EDIL3: variants seen among roughly 807,000 people sequenced by gnomAD.
The protein encoded by EDIL3 is EGF-like repeat and discoidin I-like domain-containing protein 3.
In EDIL3, 37 loss-of-function variants were observed where a neutral mutation model predicts 67.4. That is an observed-to-expected ratio of 0.55 (90% CI 0.42 to 0.72). The LOEUF (loss-of-function observed/expected upper bound fraction) is 0.72. Ranked by LOEUF, EDIL3 falls within the 30% of genes least tolerant of loss-of-function variation. The pLI, the probability that EDIL3 is intolerant of heterozygous loss-of-function variation, is 0.00. For synonymous variants in EDIL3, 195 were observed against 196.3 expected, an observed-to-expected ratio of 0.99 and a Z score of 0.05; for missense variants, 527 against 586.3, an observed-to-expected ratio of 0.90 and a Z score of 1.04.
chr5:84,384,300 C>T lies in EDIL3; in HGVS notation c.67+8G>A, dbSNP rs1343169910. 1.9e-6 allele frequency: 3 copies of T among 1,607,604 alleles called. No homozygotes were observed. The highest frequency in any genetic ancestry group is 1.3e-5 in the African/African-American group (1 of 74,504). The stretch of plus-strand genomic sequence containing the variant: ...CCTCACCCAGCTGTCCGGGTCCCGA[C>T]GCCTTACCTTTGCCGAACTGGGGGA... On this transcript the variant is annotated splice_region_variant and intron_variant, in intron 1 of 10. Transcript: ENST00000296591.
intron 1 of EDIL3, among the ~76,000 whole-genome samples, chr5:84,278,785 G>A (rs927674094): frequency 1.3e-5 from 2 of 151,448 alleles, no homozygotes; most frequent in Admixed American, 1.3e-4. Flanking sequence ...CTCTCCCAGA[G>A]GACCAAGTAT....
chr5:84,074,844 A>G (rs1216279223), intron 6 of EDIL3, among the ~76,000 whole-genome samples: 4 of 152,164 alleles, frequency 2.6e-5, no homozygotes, highest in African/African-American at 7.2e-5. Context: ...CCATCCCATT[A>G]CTGGGTATAT....
At chr5:84,273,035 T>C (rs1207581913) in intron 1 of EDIL3, among the ~76,000 whole-genome samples, 10 of 152,066 alleles carry the variant, frequency 6.6e-5, no homozygotes, top group Non-Finnish European at 2.9e-5. Context: ...GTCTCCAGTA[T>C]CTAGTTAGGA....
At chr5:84,161,017 A>T (rs180840358) in intron 4 of EDIL3, among the ~76,000 whole-genome samples, 1 of 151,868 alleles carries the variant, frequency 6.6e-6, no homozygotes, top group East Asian at 1.9e-4. Context: ...ACAAGCCCCT[A>T]TGGTTCATTA....
At chr5:84,154,648 T>A (rs549564937) in intron 4 of EDIL3, among the ~76,000 whole-genome samples, 2 of 151,006 alleles carry the variant, frequency 1.3e-5, no homozygotes, top group Non-Finnish European at 3.0e-5. Context: ...GAAATGTACT[T>A]CCATACTTCT....
At chr5:84,075,071 T>C (rs1292434954) in intron 6 of EDIL3, among the ~76,000 whole-genome samples, 2 of 151,988 alleles carry the variant, frequency 1.3e-5, no homozygotes, top group African/African-American at 4.8e-5. Flanking sequence ...AAATTGGAAA[T>C]TATCATTCTC....
intron 9 of EDIL3, among the ~76,000 whole-genome samples, chr5:84,054,945 A>G (rs982993571): frequency 2.7e-5 from 4 of 146,152 alleles, no homozygotes; most frequent in Admixed American, 6.7e-5. Context: ...TCTTCACAGA[A>G]TTGGAAAAAA....
chr5:84,198,134 AT>A (rs1248118589), intron 3 of EDIL3, among the ~76,000 whole-genome samples: 1 of 152,062 alleles, frequency 6.6e-6, no homozygotes. Flanking sequence ...GGAAACTCTA[AT>A]GGTACCAATC....
intron 8 of EDIL3, among the ~76,000 whole-genome samples, chr5:84,062,717 T>A (rs1746568214): frequency 6.6e-6 from 1 of 152,102 alleles, no homozygotes; most frequent in South Asian, 2.1e-4. Context: ...TTAATAGCAA[T>A]TTACTGAATA....
chr5:84,266,356 C>T (rs1745347315), intron 1 of EDIL3, among the ~76,000 whole-genome samples: 1 of 152,144 alleles, frequency 6.6e-6, no homozygotes, highest in South Asian at 2.1e-4. Flanking sequence ...AAGAGGAGGG[C>T]TTTATGCAGC....
intron 1 of EDIL3, among the ~76,000 whole-genome samples, chr5:84,365,310 T>C (rs10063982): frequency 0.27 from 41,158 of 152,078 alleles, 6,896 homozygotes; most frequent in Middle Eastern, 0.4. Context: ...TTCTGTTGCA[T>C]AGAAACTTAG....
At chr5:84,291,446 C>G (rs796501616) in intron 1 of EDIL3, among the ~76,000 whole-genome samples, 4 of 151,774 alleles carry the variant, frequency 2.6e-5, no homozygotes, top group African/African-American at 9.7e-5. Flanking sequence ...AAAAGGTACA[C>G]TAAAAACAAA....
At chr5:83,968,404 A>G (rs1744733522) in intron 9 of EDIL3, among the ~76,000 whole-genome samples, 1 of 152,080 alleles carries the variant, frequency 6.6e-6, no homozygotes, top group African/African-American at 2.4e-5. Context: ...TAACATAGCA[A>G]TTGCTTTTTT....
At chr5:84,075,890 G>GCACACACACACACACA (rs10530772) in intron 6 of EDIL3, among the ~76,000 whole-genome samples, 10 of 144,970 alleles carry the variant, frequency 6.9e-5, no homozygotes, top group African/African-American at 2.5e-4. Context: ...AAGTGTGCAC[G>GCACACACACACACACA]CACACACACA....
At chr5:84,183,933 C>T (rs1398203188) in intron 3 of EDIL3, among the ~76,000 whole-genome samples, 1 of 152,068 alleles carries the variant, frequency 6.6e-6, no homozygotes, top group African/African-American at 2.4e-5. Context: ...ATGGTGAAAC[C>T]CCGTCTCTAC....
intron 1 of EDIL3, among the ~76,000 whole-genome samples, chr5:84,349,632 A>G (rs543575974): frequency 2.0e-5 from 3 of 152,278 alleles, no homozygotes; most frequent in Admixed American, 6.5e-5. Context: ...TTCTGTGAAT[A>G]TAGATAAATA....
At chr5:84,038,446 A>T (rs1746063465) in intron 9 of EDIL3, among the ~76,000 whole-genome samples, 1 of 152,226 alleles carries the variant, frequency 6.6e-6, no homozygotes, top group South Asian at 2.1e-4. Flanking sequence ...AATTCCGACA[A>T]GATGTACTTC....
intron 1 of EDIL3, among the ~76,000 whole-genome samples, chr5:84,339,275 G>C (rs1747048710): frequency 1.3e-5 from 2 of 152,048 alleles, no homozygotes; most frequent in African/African-American, 4.8e-5. Flanking sequence ...TACTTCATAG[G>C]GCAGTAGTAA....
intron 2 of EDIL3, among the ~76,000 whole-genome samples, chr5:84,233,396 A>G (rs1406438323): frequency 1.5e-4 from 23 of 152,304 alleles, no homozygotes; most frequent in African/African-American, 5.3e-4. Context: ...ATCAAAGTTT[A>G]TTTCACTGGG....
Sources: gnomAD v4.1 joint callset for allele counts (sites outside exome capture counted in the v4.1 genomes callset) on GRCh38, gnomAD v4.1.1 for gene constraint, MANE v1.5 for transcripts, NCBI Gene and HGNC (gene_info 2026-07-23, HGNC 2026-07-21) for gene names.